Variants in CHD1L observed in about 807,000 individuals in gnomAD.
The protein encoded by CHD1L is chromodomain helicase DNA binding protein 1 like, also known as ATP-dependent chromatin remodeler CHD1L.
In CHD1L, 118 loss-of-function variants were observed where a neutral mutation model predicts 115.9. The observed-to-expected ratio is 1.02, with a 90% CI of 0.88 to 1.19. The LOEUF is 1.19. CHD1L is among the 50% of genes most tolerant of loss of function. The probability of loss-of-function intolerance (pLI) is 0.00; values close to 1 mark genes in which losing one functional copy is unlikely to be tolerated. For synonymous variants in CHD1L, 411 were observed against 387.1 expected (o/e 1.06, Z -0.72); for missense variants, 1,179 against 1,065.3 (o/e 1.11, Z -1.49).
the CHD1L span, among the ~76,000 whole-genome samples, chr1:147,235,476 T>G: frequency 2.0e-5 from 3 of 152,204 alleles, no homozygotes; most frequent in African/African-American, 4.8e-5. Flanking sequence ...GCACTCTGAT[T>G]GTTAAAACCC....
At chr1:147,212,388 C>CA in the CHD1L span, 2 of 1,613,826 alleles carry the variant, frequency 1.2e-6, no homozygotes, top group Non-Finnish European at 1.7e-6. Context: ...TTGAGTGATT[C>CA]AAACCTGCTT....
the CHD1L span, chr1:147,201,158 A>T: frequency 6.2e-7 from 1 of 1,609,118 alleles, no homozygotes; most frequent in African/African-American, 1.3e-5. Flanking sequence ...TTACCTTTAA[A>T]TACCTGAGTG....
the CHD1L span, among the ~76,000 whole-genome samples, chr1:147,202,288 C>T: frequency 2.1e-4 from 31 of 144,214 alleles, no homozygotes; most frequent in Non-Finnish European, 2.7e-4. Context: ...TTTCTAGTAT[C>T]GTGGAGCTTT....
At chr1:147,228,330 G>A in the CHD1L span, among the ~76,000 whole-genome samples, 3 of 152,044 alleles carry the variant, frequency 2.0e-5, no homozygotes, top group African/African-American at 7.3e-5. Flanking sequence ...CCCTACAAAG[G>A]ACATGAACTC....
intron 12 of CHD1L, among the ~76,000 whole-genome samples, chr1:147,274,461 CCTT>C (rs1383854311): frequency 2.0e-5 from 3 of 152,134 alleles, no homozygotes; most frequent in African/African-American, 4.8e-5. Flanking sequence ...GGTCAGTAGT[CCTT>C]CTTAAAAGTT....
At chr1:147,178,096 C>G in the CHD1L span, 1 of 1,522,092 alleles carries the variant, frequency 6.6e-7, no homozygotes, top group South Asian at 1.2e-5. Context: ...CCGGCTGCCC[C>G]CACCCCACCT....
the CHD1L span, among the ~76,000 whole-genome samples, chr1:147,177,332 TA>T: frequency 1.3e-5 from 2 of 152,210 alleles, no homozygotes; most frequent in African/African-American, 4.8e-5. Context: ...ACCCAAATTA[TA>T]AAATAAGATC....
chr1:147,175,935 T>A, the CHD1L span: 1 of 114,396 alleles, frequency 8.7e-6, no homozygotes, highest in Non-Finnish European at 1.7e-5. Context: ...AACAGATCAG[T>A]GTTTGCCAGG....
rs12034751 is a variant in CHD1L, at chr1:147,282,310, A to T, written c.1706-2041A>T. ...CCTGGGAGAGGTGAGAATGGAGTTC[A>T]CCTGGTTGCTGAAACTGAAAAGGCG... is the stretch of plus-strand genomic sequence containing the variant. On this transcript the variant is annotated intron_variant, in intron 15 of 22. Coordinates refer to ENST00000369258, the MANE Select transcript of CHD1L (RefSeq NM_004284.6). Among the ~76,000 whole-genome samples the T allele has an allele frequency of 0.024, 3,587 of 152,254 alleles. 263 individuals carry two copies. In the East Asian group the frequency reaches 0.27, roughly 11 times the overall value.
At chr1:147,207,303 A>C in the CHD1L span, among the ~76,000 whole-genome samples, 909 of 152,330 alleles carry the variant, frequency 6.0e-3, 4 homozygotes, top group Middle Eastern at 0.01. Flanking sequence ...CAAATATAGC[A>C]AACTTAACAG....
intron 4 of CHD1L, 80 bp from the exon 5 acceptor site, chr1:147,256,451 G>T: frequency 2.4e-6 from 3 of 1,252,656 alleles, no homozygotes; most frequent in Non-Finnish European, 2.3e-6. Flanking sequence ...TATAGTTTAA[G>T]AGAGTTCACA....
At chr1:147,242,966 C>A (rs1298809357) in intron 1 of CHD1L, 136 bp downstream of exon 1, 1 of 1,092,916 alleles carries the variant, frequency 9.1e-7, no homozygotes, top group Non-Finnish European at 1.2e-6. Flanking sequence ...TCGCTCCTGC[C>A]GTGGGCGGAG....
the CHD1L span, chr1:147,186,718 T>C: frequency 7.1e-7 from 1 of 1,415,906 alleles, no homozygotes; most frequent in Non-Finnish European, 9.2e-7. Context: ...GGAAGGGAGA[T>C]GAGTTAATAC....
At chr1:147,189,011 C>G in the CHD1L span, among the ~76,000 whole-genome samples, 1 of 152,098 alleles carries the variant, frequency 6.6e-6, no homozygotes, top group African/African-American at 2.4e-5. Context: ...TACGGTGGCT[C>G]ATGCCTGTAA....
chr1:147,223,846 G>T, the CHD1L span: 1 of 303,000 alleles, frequency 3.3e-6, no homozygotes, highest in Non-Finnish European at 6.3e-6. Context: ...TGCTTACGCG[G>T]GCCCACAAGC....
Position 147,264,445 on chromosome 1 carries a change from GT to G in CHD1L, c.602del (p.Leu201Ter). 6.2e-7 allele frequency: 1 copy of G among 1,612,062 alleles called. No individual in the cohort carries two copies. Among genetic ancestry groups the G allele is most frequent in the Non-Finnish European group, 8.5e-7 (1 of 1,179,040 alleles). On this transcript the variant is annotated frameshift_variant, in exon 7 of 23. Transcript: ENST00000369258. LOFTEE classifies it high-confidence loss of function. ...SEFSVVFSLL[L>X]TGTPIQNSLQ... is the part of the protein sequence containing the mutation. ...AGTTCTCAGTAGTCTTCAGTCTCCT[GT>G]TGACCGGAACTCCCATCCAGAACAG...
At chr1:147,201,292 T>C in the CHD1L span, 2 of 1,614,146 alleles carry the variant, frequency 1.2e-6, no homozygotes, top group South Asian at 2.2e-5. Context: ...GGATATCTTG[T>C]TTTTGACCAC....
At chr1:147,275,569 T>C (rs6672850) in intron 13 of CHD1L, 101 bp downstream of exon 13, 582,697 of 866,046 alleles carry the variant, frequency 0.67, 196,940 homozygotes, top group African/African-American at 0.7. Context: ...CACTGGGAGC[T>C]GAGAGACCAC....
upstream of CHD1L, among the ~76,000 whole-genome samples, chr1:147,238,156 A>C (rs989411191): frequency 6.6e-6 from 1 of 152,226 alleles, no homozygotes; most frequent in African/African-American, 2.4e-5. Flanking sequence ...ATTTCTTGCA[A>C]GAAAGAAAAC....
Sources: gnomAD v4.1 joint callset for allele counts (sites outside exome capture counted in the v4.1 genomes callset) on GRCh38, gnomAD v4.1.1 for gene constraint, MANE v1.5 for transcripts, NCBI Gene and HGNC (gene_info 2026-07-23, HGNC 2026-07-21) for gene names.